The following RAB36 variants were observed in gnomAD, a reference collection of about 807,000 sequenced individuals.
RAB36 encodes the protein ras-related protein Rab-36.
A neutral mutation model predicts 39.3 loss-of-function variants in RAB36; 33 were observed. The observed-to-expected ratio is 0.84, with a 90% CI of 0.64 to 1.12. RAB36 has a LOEUF of 1.12. RAB36 is among the 50% of genes most tolerant of loss of function. The pLI is 0.00. For missense variants in RAB36, 308 were observed against 355.3 expected, an observed-to-expected ratio of 0.87 and a Z score of 1.07; for synonymous variants, 133 against 140.2, an observed-to-expected ratio of 0.95 and a Z score of 0.36.
rs1569223809 is a variant in RAB36, at chr22:23,163,611, C to CCCG, written c.*2049_*2050insGCC. The CCCG allele has an allele frequency of 6.8e-5, 10 of 146,964 alleles. 1 individual carries two copies. The highest frequency in any genetic ancestry group is 2.4e-4 in the African/African-American group (10 of 40,820). 9.1% of individuals were successfully genotyped at this position (146,964 alleles called of 1,614,324 possible). On this transcript the variant is annotated 3_prime_UTR_variant, in exon 11 of 11. Transcript: ENST00000263116. ...ATATAAAATACAAGGTGAAAGCCCC[C>CCCG]CCCCCGCCACATTAGCTGCGCCCCT...
chr22:23,159,005 G>A (rs1376220508), intron 8 of RAB36, 26 bp downstream of exon 8: 1 of 1,611,482 alleles, frequency 6.2e-7, no homozygotes, highest in Non-Finnish European at 8.5e-7. Context: ...CTGGTGGTCT[G>A]GGTGGCCCTT....
chr22:23,160,297 G>A (rs760955675), intron 9 of RAB36, among the ~76,000 whole-genome samples: 4 of 152,184 alleles, frequency 2.6e-5, no homozygotes, highest in African/African-American at 9.7e-5. Flanking sequence ...TGAGTTCACC[G>A]ACAGCTCACT....
At chr22:23,160,448 G>A (rs1377500821) in intron 9 of RAB36, among the ~76,000 whole-genome samples, 3 of 152,242 alleles carry the variant, frequency 2.0e-5, no homozygotes, top group Non-Finnish European at 2.9e-5. Context: ...AAGGCTCCAT[G>A]TGGGGGCTGA....
At chr22:23,159,309 C>T (rs2071643470) in intron 9 of RAB36, 56 bp downstream of exon 9, 1 of 1,464,496 alleles carries the variant, frequency 6.8e-7, no homozygotes, top group Non-Finnish European at 9.3e-7. Flanking sequence ...TTGGGCCAGT[C>T]CTGTGGGGCC....
At chr22:23,168,718 C>T (rs2072091189), downstream of RAB36, among the ~76,000 whole-genome samples, 1 of 152,166 alleles carries the variant, frequency 6.6e-6, no homozygotes, top group African/African-American at 2.4e-5. Flanking sequence ...TTTGTCCAGG[C>T]ACCCCCTCAG....
In RAB36 at chr22:23,165,523, C is replaced by T. The variant is rs972707202; in HGVS notation, c.*3959C>T. ...AACTGAACAGGTCTCGGGAAGGACA[C>T]TTCATGCCAGCTAGAGAGGCTCTGG... is the stretch of plus-strand genomic sequence containing the variant. On this transcript the variant is annotated 3_prime_UTR_variant, in exon 11 of 11. Coordinates refer to ENST00000263116, the MANE Select transcript of RAB36 (RefSeq NM_004914.5). 6.6e-6 allele frequency among the ~76,000 whole-genome samples: 1 copy of T among 152,248 alleles called. No homozygotes were observed. The highest frequency in any genetic ancestry group is 1.5e-5 in the Non-Finnish European group (1 of 68,044).
At chr22:23,159,330 T>C in intron 9 of RAB36, 77 bp downstream of exon 9, 1 of 1,339,572 alleles carries the variant, frequency 7.5e-7, no homozygotes, top group East Asian at 2.5e-5. Flanking sequence ...TGCCATGCAG[T>C]GTTTCCCTCT....
intron 3 of RAB36, among the ~76,000 whole-genome samples, chr22:23,151,982 C>T (rs536132185): frequency 7.9e-5 from 12 of 152,340 alleles, no homozygotes; most frequent in East Asian, 5.8e-4. Context: ...TGCAAGAGGC[C>T]GGAGCCCACA....
chr22:23,152,960 C>G, intron 4 of RAB36, 73 bp from the exon 5 acceptor site: 1 of 1,050,770 alleles, frequency 9.5e-7, no homozygotes, highest in Non-Finnish European at 1.5e-6. Flanking sequence ...TAAAGACTTG[C>G]AGTGTTACAA....
chr22:23,165,381 G>A lies in RAB36; in HGVS notation c.*3817G>A, dbSNP rs1165089503. Among the ~76,000 whole-genome samples the A allele has an allele frequency of 6.6e-6, 1 of 152,180 alleles. No individual in the cohort carries two copies. Among genetic ancestry groups the A allele is most frequent in the African/African-American group, 2.4e-5 (1 of 41,442 alleles). ...TCCCTCACTTGCAAACCCCAGTCCTGTCTGACCCAGAGACCCTCACAGGGC... is the reference window on the plus strand; with the variant it reads ...TCCCTCACTTGCAAACCCCAGTCCTATCTGACCCAGAGACCCTCACAGGGC... On this transcript the variant is annotated 3_prime_UTR_variant, in exon 11 of 11. Coordinates refer to ENST00000263116, the MANE Select transcript of RAB36 (RefSeq NM_004914.5).
chr22:23,147,556 C>T (rs2070862287), intron 2 of RAB36, among the ~76,000 whole-genome samples: 1 of 152,014 alleles, frequency 6.6e-6, no homozygotes, highest in South Asian at 2.1e-4. Flanking sequence ...TGGTCTTGAA[C>T]CCCTGGCCTC....
In RAB36 at chr22:23,161,842, A is replaced by G. The variant is rs1276485653; in HGVS notation, c.*278A>G. The G allele has an allele frequency of 6.7e-6, 3 of 449,716 alleles. No individual in the cohort carries two copies. Among genetic ancestry groups the G allele is most frequent in the Non-Finnish European group, 1.2e-5 (3 of 247,316 alleles). The allele number at this position is 449,716 out of a possible 1,614,324, so 27.9% of individuals were successfully genotyped here. ...TGGTGATCCCATAAAAGGCCAGTCC[A>G]TTTGCAGGGTCATCAGACAGTCACC... On this transcript the variant is annotated 3_prime_UTR_variant, in exon 11 of 11. Transcript: ENST00000263116.
Position 23,158,878 on chromosome 22 carries a change from CCT to C in RAB36, c.447-14_447-13del. The C allele has an allele frequency of 6.2e-7, 1 of 1,609,722 alleles. No homozygotes were observed. The highest frequency in any genetic ancestry group is 8.5e-7 in the Non-Finnish European group (1 of 1,176,122). On this transcript the variant is annotated intron_variant, in intron 7 of 10. Transcript: ENST00000263116. ...GTGGGAGGATGGGTGAATCTCTCAG[CCT>C]CTCTCCTTACACTCCAGGCAGTGGT...
rs1422641916 is a variant in RAB36 at position 23,159,097 on chromosome 22, C to G, written c.529-66C>G. On this transcript the variant is annotated intron_variant, in intron 8 of 10. Transcript: ENST00000263116. ...CAGCACAGTGGGAAGCAGGCAGCTG[C>G]CTATCCCCCTGGGCCTCCCTGCAGG... The G allele has an allele frequency of 1.9e-6, 3 of 1,591,000 alleles. No homozygotes were observed. The East Asian group carries it at 6.8e-5, about 36-fold the overall frequency.
Position 23,164,840 on chromosome 22 carries a change from C to T in RAB36, c.*3276C>T, listed in dbSNP as rs2146620975. On this transcript the variant is annotated 3_prime_UTR_variant, in exon 11 of 11. Transcript: ENST00000263116. ...TCCTCTCCTGTCACTTCCTGGCTCC[C>T]CAGGGCTAGGTCCCAGGGTGCTCTC... Among the ~76,000 whole-genome samples the T allele has an allele frequency of 6.6e-6, 1 of 152,258 alleles. No individual in the cohort carries two copies. The highest frequency in any genetic ancestry group is 2.1e-4 in the South Asian group (1 of 4,816).
downstream of RAB36, among the ~76,000 whole-genome samples, chr22:23,168,130 G>A (rs1344483928): frequency 1.3e-5 from 2 of 152,134 alleles, no homozygotes; most frequent in Admixed American, 1.3e-4. Context: ...CCAGCCCTTT[G>A]CATTCTCCCA....
chr22:23,162,745 TTG>T lies in RAB36; in HGVS notation c.*1182_*1183del. 2.2e-6 allele frequency: 1 copy of T among 456,260 alleles called. No homozygotes were observed. The highest frequency in any genetic ancestry group is 4.4e-6 in the Non-Finnish European group (1 of 226,962). 28.3% of individuals were successfully genotyped at this position (456,260 alleles called of 1,614,324 possible). ...TTGCTTCCCGTAGATGGCGAGCACC[TTG>T]CAGGCAGCCTTCTGATCAGTACTGC... On this transcript the variant is annotated 3_prime_UTR_variant, in exon 11 of 11. Transcript: ENST00000263116.
chr22:23,145,394 T>C (rs1295701639), upstream of RAB36: 1 of 1,608,994 alleles, frequency 6.2e-7, no homozygotes, highest in African/African-American at 1.3e-5. Context: ...AGCTGGATGC[T>C]TGGACGCGCC....
At chr22:23,154,328 G>C (rs1459329298) in intron 5 of RAB36, among the ~76,000 whole-genome samples, 1 of 152,200 alleles carries the variant, frequency 6.6e-6, no homozygotes, top group African/African-American at 2.4e-5. Context: ...GCCCTGCCTG[G>C]ACTGAGCCTT....
Sources: allele counts gnomAD v4.1 joint callset (sites outside exome capture counted in the v4.1 genomes callset), GRCh38; gene constraint gnomAD v4.1.1; transcripts MANE v1.5; gene names NCBI Gene and HGNC (gene_info 2026-07-23, HGNC 2026-07-21).